Variants in CACNB4 observed in about 807,000 individuals in gnomAD.
CACNB4 encodes calcium voltage-gated channel auxiliary subunit beta 4.
CACNB4 carries 32 observed loss-of-function variants against 71.2 expected under a neutral mutation model. The observed-to-expected ratio is 0.45, with a 90% CI of 0.34 to 0.60. The LOEUF (loss-of-function observed/expected upper bound fraction) is 0.60. CACNB4 is among the 20% of genes least tolerant of loss of function. CACNB4 has a pLI of 0.01. For synonymous variants in CACNB4, 231 were observed against 236.9 expected (o/e 0.97, Z 0.23); for missense variants, 464 against 647.9 (o/e 0.72, Z 3.08).
intron 8 of CACNB4, chr2:151,869,962 C>T: frequency 2.0e-6 from 1 of 492,330 alleles, no homozygotes; most frequent in East Asian, 3.5e-5. Flanking sequence ...AAACAAACAT[C>T]TGAAACGAAG....
At chr2:151,864,589 A>C (rs1259484640) in intron 9 of CACNB4, among the ~76,000 whole-genome samples, 1 of 152,146 alleles carries the variant, frequency 6.6e-6, no homozygotes, top group East Asian at 1.9e-4. Flanking sequence ...GTTCCGAAGA[A>C]TGCAACAGTG....
At chr2:151,982,632 CAA>C (rs1227164462) in intron 2 of CACNB4, among the ~76,000 whole-genome samples, 16 of 64,006 alleles carry the variant, frequency 2.5e-4, no homozygotes, top group South Asian at 1.1e-3. Flanking sequence ...GACTCCGTCT[CAA>C]AAAAAAAAAA....
At chr2:151,929,429 G>C (rs2099861082) in intron 2 of CACNB4, among the ~76,000 whole-genome samples, 2 of 151,960 alleles carry the variant, frequency 1.3e-5, no homozygotes, top group Admixed American at 1.3e-4. Flanking sequence ...AAAAAACTCT[G>C]GTCATAATAT....
chr2:152,080,135 T>C lies in CACNB4; in HGVS notation c.147+18195A>G, dbSNP rs1361485119. ...AGGGTTTAATTTACTGTCTTTTTTT[T>C]TTTTGAGGCGGAGTCTCGCTCTGTC... On this transcript the variant is annotated intron_variant, in intron 2 of 13. Transcript: ENST00000539935. Among the ~76,000 whole-genome samples, 3 of 152,100 alleles carry C rather than the reference T, an allele frequency of 2.0e-5. No homozygotes were observed. The East Asian group carries it at 5.8e-4, about 29-fold the overall frequency.
chr2:152,070,123 G>A (rs187490056), intron 2 of CACNB4, among the ~76,000 whole-genome samples: 14 of 152,156 alleles, frequency 9.2e-5, no homozygotes, highest in South Asian at 2.1e-4. Context: ...GATTACAGGC[G>A]TGAGCCACCA....
chr2:152,035,545 G>C (rs1684507559), intron 2 of CACNB4, among the ~76,000 whole-genome samples: 1 of 151,846 alleles, frequency 6.6e-6, no homozygotes, highest in Admixed American at 6.6e-5. Flanking sequence ...GGGCAACAGA[G>C]CGAAACTCCG....
At chr2:151,946,265 G>A (rs1035204444) in intron 2 of CACNB4, among the ~76,000 whole-genome samples, 1 of 151,602 alleles carries the variant, frequency 6.6e-6, no homozygotes, top group African/African-American at 2.4e-5. Context: ...GGAGGTGGAG[G>A]TTGCAGTGAG....
At chr2:152,058,869 C>G (rs991489914) in intron 2 of CACNB4, among the ~76,000 whole-genome samples, 1 of 152,228 alleles carries the variant, frequency 6.6e-6, no homozygotes, top group African/African-American at 2.4e-5. Context: ...ATGGGCTGTG[C>G]CCAGGATCCC....
intron 2 of CACNB4, among the ~76,000 whole-genome samples, chr2:151,994,358 C>G (rs1681918080): frequency 1.3e-5 from 2 of 151,270 alleles, no homozygotes; most frequent in South Asian, 4.2e-4. Context: ...AAGGCGTGTG[C>G]CACCACACCC....
intron 2 of CACNB4, among the ~76,000 whole-genome samples, chr2:151,939,677 A>G (rs2099863777): frequency 6.6e-6 from 1 of 152,230 alleles, no homozygotes; most frequent in Admixed American, 6.5e-5. Context: ...CCATGACCCA[A>G]CAATTTGCTG....
intron 2 of CACNB4, among the ~76,000 whole-genome samples, chr2:152,058,170 A>G (rs1421633507): frequency 6.6e-6 from 1 of 152,212 alleles, no homozygotes; most frequent in Non-Finnish European, 1.5e-5. Flanking sequence ...AGCCATGCAG[A>G]ACTGTGAGTC....
intron 3 of CACNB4, among the ~76,000 whole-genome samples, chr2:151,882,342 C>T (rs895224930): frequency 2.0e-5 from 3 of 151,774 alleles, no homozygotes; most frequent in Admixed American, 6.6e-5. Flanking sequence ...ATGTGAGCCA[C>T]CATGCACAGC....
intron 2 of CACNB4, among the ~76,000 whole-genome samples, chr2:152,017,843 CTT>C (rs577706762): frequency 6.8e-6 from 1 of 147,344 alleles, no homozygotes; most frequent in Non-Finnish European, 1.5e-5. Flanking sequence ...CAATTCTTTT[CTT>C]TTTTTTTTAT....
In CACNB4 at chr2:151,912,166, G is replaced by A. The variant is rs564686343; in HGVS notation, c.148-28796C>T. Among the ~76,000 whole-genome samples the A allele has an allele frequency of 1.4e-4, 22 of 151,968 alleles. No homozygotes were observed. The South Asian group carries it at 2.7e-3, about 19-fold the overall frequency. ...GGAGTGTTTTTGTGCCTCTATCTCC[G>A]TCAACTCTTCTCTGATCTTAGTTAT... is the stretch of plus-strand genomic sequence containing the variant. On this transcript the variant is annotated intron_variant, in intron 2 of 13. Transcript: ENST00000539935.
At chr2:151,994,488 G>A (rs566337132) in intron 2 of CACNB4, among the ~76,000 whole-genome samples, 1 of 149,570 alleles carries the variant, frequency 6.7e-6, no homozygotes, top group Non-Finnish European at 1.5e-5. Context: ...TTACAGGCGT[G>A]AGCCACCATT....
intron 2 of CACNB4, among the ~76,000 whole-genome samples, chr2:151,932,900 A>G (rs78267990): frequency 0.018 from 2,709 of 151,604 alleles, 94 homozygotes; most frequent in African/African-American, 0.061. Context: ...AAGAGAATGT[A>G]AAGTGGCACA....
chr2:152,055,802 A>G (rs1685691608), intron 2 of CACNB4, among the ~76,000 whole-genome samples: 1 of 152,220 alleles, frequency 6.6e-6, no homozygotes, highest in Non-Finnish European at 1.5e-5. Context: ...CTAACCTCTG[A>G]AATTTTCAAA....
At chr2:151,891,840 G>C (rs547088455) in intron 2 of CACNB4, among the ~76,000 whole-genome samples, 8 of 152,146 alleles carry the variant, frequency 5.3e-5, no homozygotes, top group South Asian at 2.1e-4. Flanking sequence ...CTATATACAG[G>C]TCACAGAATA....
chr2:152,000,472 G>A (rs1232038020), intron 2 of CACNB4, among the ~76,000 whole-genome samples: 1 of 152,198 alleles, frequency 6.6e-6, no homozygotes, highest in Non-Finnish European at 1.5e-5. Flanking sequence ...TGAAGGGCTT[G>A]GAACAGACAC....
Sources: allele counts gnomAD v4.1 joint callset (sites outside exome capture counted in the v4.1 genomes callset), GRCh38; gene constraint gnomAD v4.1.1; transcripts MANE v1.5; gene names NCBI Gene and HGNC (gene_info 2026-07-23, HGNC 2026-07-21).